MARCHF1: variants seen among roughly 807,000 people sequenced by gnomAD.
MARCHF1 encodes membrane associated ring-CH-type finger 1.
MARCHF1 carries 40 observed loss-of-function variants against 54.2 expected under a neutral mutation model. That is an observed-to-expected ratio of 0.74 (90% confidence interval 0.57 to 0.96). MARCHF1 has a LOEUF of 0.96. Ranked by LOEUF, MARCHF1 falls within the 40% of genes least tolerant of loss-of-function variation. The pLI, the probability that MARCHF1 is intolerant of heterozygous loss-of-function variation, is 0.00. For synonymous variants in MARCHF1, 236 were observed against 236.3 expected (o/e 1.00, Z 0.01); for missense variants, 586 against 656.5 (o/e 0.89, Z 1.17).
intron 4 of MARCHF1, among the ~76,000 whole-genome samples, chr4:163,746,919 C>T (rs1021936329): frequency 3.3e-5 from 5 of 152,054 alleles, no homozygotes; most frequent in African/African-American, 7.3e-5. Context: ...TAAATGAAAG[C>T]GCAAATCCGG....
At chr4:163,974,854 T>C (rs1391884171) in intron 3 of MARCHF1, among the ~76,000 whole-genome samples, 1 of 152,112 alleles carries the variant, frequency 6.6e-6, no homozygotes, top group African/African-American at 2.4e-5. Context: ...CTAAATGAGA[T>C]TAACAATTAA....
intron 8 of MARCHF1, among the ~76,000 whole-genome samples, chr4:163,564,528 A>G (rs1008956878): frequency 6.6e-6 from 1 of 152,214 alleles, no homozygotes; most frequent in Admixed American, 6.5e-5. Context: ...GAATCATGAA[A>G]TGAAATGTGG....
intron 4 of MARCHF1, among the ~76,000 whole-genome samples, chr4:163,736,771 A>G (rs1746045796): frequency 6.6e-6 from 1 of 152,216 alleles, no homozygotes; most frequent in Admixed American, 6.5e-5. Flanking sequence ...TAAAGTATTC[A>G]CCAAGTATGT....
intron 3 of MARCHF1, among the ~76,000 whole-genome samples, chr4:163,868,613 A>T (rs781475497): frequency 5.3e-5 from 8 of 152,048 alleles, no homozygotes; most frequent in Non-Finnish European, 8.8e-5. Flanking sequence ...CCATACATAC[A>T]AATGTGTACT....
At chr4:163,715,315 G>C (rs918676965) in intron 4 of MARCHF1, among the ~76,000 whole-genome samples, 1 of 151,978 alleles carries the variant, frequency 6.6e-6, no homozygotes, top group Non-Finnish European at 1.5e-5. Context: ...GCGCGATCTC[G>C]GCTCACTGCA....
chr4:164,022,398 T>C (rs1753684445), intron 2 of MARCHF1, among the ~76,000 whole-genome samples: 1 of 152,028 alleles, frequency 6.6e-6, no homozygotes, highest in South Asian at 2.1e-4. Context: ...ACACTGACAG[T>C]CAATGGAGAG....
intron 1 of MARCHF1, among the ~76,000 whole-genome samples, chr4:164,260,700 C>G (rs1385318248): frequency 6.6e-6 from 1 of 152,186 alleles, no homozygotes; most frequent in Non-Finnish European, 1.5e-5. Context: ...GAAAGACCAA[C>G]TTCATTAGAC....
intron 5 of MARCHF1, among the ~76,000 whole-genome samples, chr4:163,619,148 T>A (rs1221635929): frequency 6.6e-6 from 1 of 152,168 alleles, no homozygotes; most frequent in African/African-American, 2.4e-5. Flanking sequence ...AGGTTTTGAA[T>A]GTTACATTGA....
rs1011992474 is a variant in MARCHF1 at position 164,196,908 on chromosome 4, G to C, written c.-322-85246C>G. On this transcript the variant is annotated intron_variant, in intron 1 of 9. Transcript: ENST00000514618. ...TAAGTTTCAGGGGGCAGGATTGGAGGGGGGAGGGGATATGGGTAAAAACAG... is the reference window on the plus strand; with the variant it reads ...TAAGTTTCAGGGGGCAGGATTGGAGCGGGGAGGGGATATGGGTAAAAACAG... 21 of 1,439,298 alleles carry C rather than the reference G, an allele frequency of 1.5e-5. No individual in the cohort carries two copies. The African/African-American group carries it at 2.0e-4, about 13-fold the overall frequency. The allele number at this position is 1,439,298 out of a possible 1,614,324, so 89.2% of individuals were successfully genotyped here.
intron 1 of MARCHF1, among the ~76,000 whole-genome samples, chr4:164,330,333 A>G (rs1451582352): frequency 6.6e-6 from 1 of 152,150 alleles, no homozygotes; most frequent in East Asian, 1.9e-4. Flanking sequence ...CCTATAGGCA[A>G]CCAAACCTCA....
chr4:164,314,695 A>G (rs1038856428), intron 1 of MARCHF1, among the ~76,000 whole-genome samples: 3 of 152,166 alleles, frequency 2.0e-5, no homozygotes, highest in African/African-American at 2.4e-5. Flanking sequence ...TTTTAAATAA[A>G]TATTTGTTAG....
intron 9 of MARCHF1, among the ~76,000 whole-genome samples, chr4:163,532,830 G>A (rs1447957440): frequency 6.6e-6 from 1 of 151,992 alleles, no homozygotes; most frequent in African/African-American, 2.4e-5. Context: ...TATTAGAATG[G>A]CTAAAGTTTT....
chr4:164,032,996 C>T (rs779567831), intron 2 of MARCHF1, among the ~76,000 whole-genome samples: 4 of 152,030 alleles, frequency 2.6e-5, no homozygotes, highest in African/African-American at 7.2e-5. Context: ...TCAGAAATAA[C>T]ACCACACATC....
chr4:164,004,812 G>A (rs1486858763), intron 2 of MARCHF1, among the ~76,000 whole-genome samples: 1 of 151,908 alleles, frequency 6.6e-6, no homozygotes, highest in Non-Finnish European at 1.5e-5. Flanking sequence ...ATAAAAGAAT[G>A]CCCATCAAAA....
At chr4:163,860,780 CA>C (rs926739671) in intron 3 of MARCHF1, among the ~76,000 whole-genome samples, 1 of 152,160 alleles carries the variant, frequency 6.6e-6, no homozygotes, top group Non-Finnish European at 1.5e-5. Flanking sequence ...ACAGGATAGA[CA>C]AATAGTAGGG....
chr4:164,259,314 G>A (rs1254861044), intron 1 of MARCHF1, among the ~76,000 whole-genome samples: 5 of 151,846 alleles, frequency 3.3e-5, no homozygotes, highest in Non-Finnish European at 5.9e-5. Context: ...AGGCCGAGGC[G>A]GGTGGATCAT....
At chr4:163,559,438 A>G (rs540412450) in intron 8 of MARCHF1, among the ~76,000 whole-genome samples, 145 of 152,284 alleles carry the variant, frequency 9.5e-4, no homozygotes, top group African/African-American at 3.2e-3. Flanking sequence ...ACTAAGAAGA[A>G]GTCAAAGGAT....
At chr4:164,120,472 T>C (rs1480549660) in intron 1 of MARCHF1, among the ~76,000 whole-genome samples, 4 of 152,150 alleles carry the variant, frequency 2.6e-5, no homozygotes, top group African/African-American at 4.8e-5. Context: ...ATCTGCACTA[T>C]AGACTAAATG....
Position 163,800,384 on chromosome 4 carries a change from A to G in MARCHF1, c.111+53637T>C, listed in dbSNP as rs539530501. On this transcript the variant is annotated intron_variant, in intron 4 of 9. Coordinates refer to ENST00000514618, the MANE Select transcript of MARCHF1 (RefSeq NM_001394959.1). ...GAGTATCTTCCCTCATTTAAGTGGC[A>G]CATGTGTTGTTCTTTCAACATTTTT... Among the ~76,000 whole-genome samples, 7 of 152,042 alleles carry G rather than the reference A, an allele frequency of 4.6e-5. No homozygotes were observed. In the East Asian group the frequency reaches 9.6e-4, roughly 21 times the overall value.
Sources: gnomAD v4.1 joint callset for allele counts (sites outside exome capture counted in the v4.1 genomes callset) on GRCh38, gnomAD v4.1.1 for gene constraint, MANE v1.5 for transcripts, NCBI Gene and HGNC (gene_info 2026-07-23, HGNC 2026-07-21) for gene names.